Variants in STXBP6 observed in about 807,000 individuals in gnomAD.
STXBP6 encodes syntaxin binding protein 6.
STXBP6 carries 21 observed loss-of-function variants against 26.9 expected under a neutral mutation model. The ratio of observed to expected loss-of-function variants is 0.78; its 90% CI spans 0.55 to 1.12. The LOEUF (loss-of-function observed/expected upper bound fraction) is 1.12, where lower values mean the gene tolerates loss of function less well. Among genes scored for constraint, STXBP6 ranks in the 50% most tolerant of loss-of-function variants. The probability of loss-of-function intolerance (pLI) is 0.00; values close to 1 mark genes in which losing one functional copy is unlikely to be tolerated. For synonymous variants in STXBP6, 97 were observed against 92.6 expected, an observed-to-expected ratio of 1.05 and a Z score of -0.27; for missense variants, 232 against 257.9, an observed-to-expected ratio of 0.90 and a Z score of 0.69.
At chr14:25,023,338 T>C (rs1449994922) in intron 1 of STXBP6, among the ~76,000 whole-genome samples, 1 of 152,122 alleles carries the variant, frequency 6.6e-6, no homozygotes, top group East Asian at 1.9e-4. Context: ...GAAAGTCAAC[T>C]GTATGACTAT....
chr14:24,940,990 G>A (rs1330422550), intron 2 of STXBP6, among the ~76,000 whole-genome samples: 1 of 152,114 alleles, frequency 6.6e-6, no homozygotes, highest in South Asian at 2.1e-4. Flanking sequence ...ACTCCAGCCT[G>A]GGCGACAGAG....
At chr14:24,822,757 C>T (rs1037746564) in intron 4 of STXBP6, among the ~76,000 whole-genome samples, 6 of 152,122 alleles carry the variant, frequency 3.9e-5, no homozygotes, top group Non-Finnish European at 7.4e-5. Context: ...ATGTCATTCT[C>T]TCTTCTCTCC....
intron 1 of STXBP6, among the ~76,000 whole-genome samples, chr14:25,009,387 T>G (rs1050162229): frequency 7.2e-5 from 11 of 152,218 alleles, no homozygotes; most frequent in African/African-American, 2.4e-4. Context: ...TCCATTTTCC[T>G]ACTTGCATCT....
intron 1 of STXBP6, chr14:25,010,489 G>A (rs566110945): frequency 6.6e-6 from 1 of 152,308 alleles, no homozygotes; most frequent in Non-Finnish European, 1.5e-5. Flanking sequence ...CAAATGTTTT[G>A]TATTTAAAAT....
At chr14:24,976,218 G>A (rs761440229) in intron 1 of STXBP6, among the ~76,000 whole-genome samples, 24 of 152,246 alleles carry the variant, frequency 1.6e-4, no homozygotes, top group Admixed American at 2.6e-4. Flanking sequence ...AAAAGATCAC[G>A]GGATCATCCT....
chr14:24,856,886 C>T, intron 3 of STXBP6, 141 bp downstream of exon 3: 1 of 1,025,872 alleles, frequency 9.7e-7, no homozygotes, highest in East Asian at 2.6e-5. Context: ...GACTCTGTAT[C>T]CGAAAGTTTT....
At chr14:24,843,463 G>A (rs1388638399) in intron 4 of STXBP6, among the ~76,000 whole-genome samples, 1 of 152,146 alleles carries the variant, frequency 6.6e-6, no homozygotes, top group African/African-American at 2.4e-5. Context: ...CAGGAAGACA[G>A]GATTAAAAGA....
intron 2 of STXBP6, among the ~76,000 whole-genome samples, chr14:24,971,161 G>T (rs1003257216): frequency 6.6e-6 from 1 of 152,044 alleles, no homozygotes; most frequent in East Asian, 1.9e-4. Flanking sequence ...TATTTAAACC[G>T]CTCTGAAAAT....
chr14:24,975,081 AAC>A (rs1273361034), intron 1 of STXBP6, among the ~76,000 whole-genome samples: 1 of 152,220 alleles, frequency 6.6e-6, no homozygotes, highest in Non-Finnish European at 1.5e-5. Context: ...AAAAATGTCA[AAC>A]ACAATATGAG....
chr14:24,873,014 T>C (rs775141976), intron 2 of STXBP6, among the ~76,000 whole-genome samples: 1 of 152,242 alleles, frequency 6.6e-6, no homozygotes, highest in Non-Finnish European at 1.5e-5. Flanking sequence ...GGTTGTTTTT[T>C]ATTTGTAATT....
intron 4 of STXBP6, among the ~76,000 whole-genome samples, chr14:24,850,695 C>T (rs1320902691): frequency 6.6e-6 from 1 of 152,054 alleles, no homozygotes; most frequent in Non-Finnish European, 1.5e-5. Flanking sequence ...GAAAGTAAGT[C>T]AAGCTGGTGA....
intron 2 of STXBP6, among the ~76,000 whole-genome samples, chr14:24,938,693 T>C (rs1277848606): frequency 6.6e-6 from 1 of 152,130 alleles, no homozygotes; most frequent in Non-Finnish European, 1.5e-5. Context: ...TATTATTTAT[T>C]TGTTTTTAAT....
intron 2 of STXBP6, among the ~76,000 whole-genome samples, chr14:24,928,081 G>A (rs927599): frequency 0.77 from 116,734 of 152,006 alleles, 45,616 homozygotes; most frequent in African/African-American, 0.92. Context: ...ACGGTCCTTC[G>A]GAATTTAGAA....
chr14:25,013,773 A>G (rs1446559818), intron 1 of STXBP6, among the ~76,000 whole-genome samples: 2 of 152,216 alleles, frequency 1.3e-5, no homozygotes, highest in Non-Finnish European at 2.9e-5. Flanking sequence ...AGGAAAAGAT[A>G]GTGAAGGGTG....
intron 4 of STXBP6, among the ~76,000 whole-genome samples, chr14:24,840,641 AT>A (rs555370137): frequency 3.0e-4 from 45 of 152,270 alleles, no homozygotes; most frequent in African/African-American, 1.0e-3. Context: ...TCTCTTGGGA[AT>A]CTACCTTCAC....
chr14:24,910,089 C>T (rs187122034), intron 2 of STXBP6, among the ~76,000 whole-genome samples: 1 of 152,064 alleles, frequency 6.6e-6, no homozygotes, highest in Admixed American at 6.6e-5. Context: ...CCCATCCACA[C>T]TGGCCTCACA....
intron 1 of STXBP6, among the ~76,000 whole-genome samples, chr14:25,002,129 T>C (rs190069149): frequency 1.8e-3 from 270 of 152,258 alleles, no homozygotes; most frequent in African/African-American, 6.2e-3. Flanking sequence ...ACCCAACATA[T>C]GGATACTTCA....
At chr14:24,857,408 T>C (rs368217288) in intron 2 of STXBP6, among the ~76,000 whole-genome samples, 2 of 152,148 alleles carry the variant, frequency 1.3e-5, no homozygotes, top group East Asian at 1.9e-4. Context: ...GCTTCATTTA[T>C]GTGTTTATCC....
At chr14:24,935,166 C>T (rs1595142687) in intron 2 of STXBP6, among the ~76,000 whole-genome samples, 2 of 152,222 alleles carry the variant, frequency 1.3e-5, no homozygotes, top group Admixed American at 1.3e-4. Context: ...TATGAAAAAG[C>T]AGCAAGGGCA....
Sources: gnomAD v4.1 joint callset for allele counts (sites outside exome capture counted in the v4.1 genomes callset) on GRCh38, gnomAD v4.1.1 for gene constraint, MANE v1.5 for transcripts, NCBI Gene and HGNC (gene_info 2026-07-23, HGNC 2026-07-21) for gene names.